CGNL1: variants seen among roughly 807,000 people sequenced by gnomAD.
The protein encoded by CGNL1 is cingulin like 1, also known as cingulin-like protein 1.
CGNL1 carries 132 observed loss-of-function variants against 141.2 expected under a neutral mutation model. The ratio of observed to expected loss-of-function variants is 0.93; its 90% CI spans 0.81 to 1.08. CGNL1 has a LOEUF of 1.08. Ranked by LOEUF, CGNL1 falls within the 50% of genes least tolerant of loss-of-function variation. The pLI is 0.00. For synonymous variants in CGNL1, 690 were observed against 622.1 expected (o/e 1.11, Z -1.63); for missense variants, 1,870 against 1,588.6 (o/e 1.18, Z -3.01).
chr15:57,528,114 C>T (rs2031728254), intron 12 of CGNL1, among the ~76,000 whole-genome samples: 1 of 152,014 alleles, frequency 6.6e-6, no homozygotes, highest in Non-Finnish European at 1.5e-5. Flanking sequence ...AAAATTAGCT[C>T]AGTGTGGTGG....
chr15:57,475,823 C>T (rs1297279621), intron 8 of CGNL1, among the ~76,000 whole-genome samples: 2 of 151,952 alleles, frequency 1.3e-5, no homozygotes, highest in Non-Finnish European at 2.9e-5. Context: ...CCTGTCTGTC[C>T]CCAACATCCT....
At chr15:57,436,596 C>T (rs1196454101) in intron 1 of CGNL1, among the ~76,000 whole-genome samples, 1 of 151,970 alleles carries the variant, frequency 6.6e-6, no homozygotes. Flanking sequence ...AGTTACAAAC[C>T]ACAATTTATG....
At chr15:57,535,423 A>T (rs1476919911) in intron 14 of CGNL1, among the ~76,000 whole-genome samples, 2 of 152,170 alleles carry the variant, frequency 1.3e-5, no homozygotes, top group African/African-American at 4.8e-5. Context: ...CATTGTTGCA[A>T]GAGTGAGTGT....
At chr15:57,389,763 G>A (rs922951525) in intron 1 of CGNL1, among the ~76,000 whole-genome samples, 1 of 152,142 alleles carries the variant, frequency 6.6e-6, no homozygotes, top group Non-Finnish European at 1.5e-5. Flanking sequence ...GGTTGTATTG[G>A]ATATTGCTGC....
At chr15:57,447,091 A>G (rs1007158306) in intron 4 of CGNL1, among the ~76,000 whole-genome samples, 9 of 152,160 alleles carry the variant, frequency 5.9e-5, no homozygotes, top group African/African-American at 2.2e-4. Flanking sequence ...CCAAATGCAT[A>G]GATAAATTTG....
chr15:57,444,804 T>C (rs982944580), intron 4 of CGNL1, among the ~76,000 whole-genome samples: 2 of 152,128 alleles, frequency 1.3e-5, no homozygotes, highest in South Asian at 4.1e-4. Flanking sequence ...AGCAAGGACA[T>C]TGGAAGTTGG....
At chr15:57,543,617 A>G in intron 14 of CGNL1, 79 bp from the exon 15 acceptor site, 1 of 1,273,630 alleles carries the variant, frequency 7.9e-7, no homozygotes, top group Non-Finnish European at 1.1e-6. Flanking sequence ...GTTGACATTC[A>G]GTTCCTTGCC....
chr15:57,535,043 G>C (rs2032179618), intron 14 of CGNL1, among the ~76,000 whole-genome samples: 1 of 152,168 alleles, frequency 6.6e-6, no homozygotes, highest in African/African-American at 2.4e-5. Flanking sequence ...CCCTCTCATA[G>C]ACTGTTAGAT....
At chr15:57,431,946 G>A (rs190617438) in intron 1 of CGNL1, among the ~76,000 whole-genome samples, 2 of 152,286 alleles carry the variant, frequency 1.3e-5, no homozygotes, top group African/African-American at 4.8e-5. Flanking sequence ...TTACTTTTTG[G>A]TTGGTGGGTC....
intron 4 of CGNL1, 28 bp downstream of exon 4, chr15:57,442,506 G>C (rs372302765): frequency 7.3e-7 from 1 of 1,372,468 alleles, no homozygotes; most frequent in East Asian, 2.3e-5. Flanking sequence ...ATTTTGTAGA[G>C]TGCATTTAGC....
chr15:57,512,378 G>A (rs536498065), intron 8 of CGNL1, among the ~76,000 whole-genome samples: 1 of 152,266 alleles, frequency 6.6e-6, no homozygotes, highest in Non-Finnish European at 1.5e-5. Flanking sequence ...AGGTGAGCTG[G>A]CCATGTGGGG....
At chr15:57,437,565 C>T (rs1389423959) in intron 1 of CGNL1, among the ~76,000 whole-genome samples, 1 of 123,132 alleles carries the variant, frequency 8.1e-6, no homozygotes. Context: ...GTAACTGGAA[C>T]ATCCTATTGG....
intron 7 of CGNL1, among the ~76,000 whole-genome samples, chr15:57,461,306 C>A (rs1225027138): frequency 6.6e-6 from 1 of 152,122 alleles, no homozygotes; most frequent in African/African-American, 2.4e-5. Context: ...GGCAAGCTGG[C>A]GTGCCCCCGT....
intron 1 of CGNL1, among the ~76,000 whole-genome samples, chr15:57,392,268 C>A (rs1466878919): frequency 6.6e-6 from 1 of 152,074 alleles, no homozygotes; most frequent in Non-Finnish European, 1.5e-5. Flanking sequence ...AAGGCCCTAA[C>A]AGGGGCATTA....
chr15:57,537,481 G>A (rs1466026662), intron 14 of CGNL1, among the ~76,000 whole-genome samples: 1 of 151,714 alleles, frequency 6.6e-6, no homozygotes, highest in Non-Finnish European at 1.5e-5. Context: ...TCTCAGAACT[G>A]CCTTTTATTG....
intron 1 of CGNL1, among the ~76,000 whole-genome samples, chr15:57,397,800 G>A (rs1274272653): frequency 3.7e-5 from 4 of 109,138 alleles, no homozygotes; most frequent in South Asian, 3.0e-4. Context: ...TTTTTTTTTT[G>A]GAGATGGAGT....
At chr15:57,378,855 C>T (rs1423418339) in intron 1 of CGNL1, among the ~76,000 whole-genome samples, 2 of 152,324 alleles carry the variant, frequency 1.3e-5, no homozygotes, top group South Asian at 2.1e-4. Flanking sequence ...CCAACTTCCA[C>T]GACCATGCTC....
intron 5 of CGNL1, 128 bp from the exon 6 acceptor site, chr15:57,452,013 A>G (rs562955546): frequency 1.2e-5 from 9 of 732,458 alleles, no homozygotes; most frequent in African/African-American, 5.4e-5. Context: ...CCTTAATTAT[A>G]TAGTTTGATT....
chr15:57,409,830 A>T (rs933660443), intron 1 of CGNL1, among the ~76,000 whole-genome samples: 2 of 152,220 alleles, frequency 1.3e-5, no homozygotes, highest in Non-Finnish European at 1.5e-5. Context: ...TACCAGAAAA[A>T]AATAGAGAAA....
Sources: allele counts gnomAD v4.1 joint callset (sites outside exome capture counted in the v4.1 genomes callset), GRCh38; gene constraint gnomAD v4.1.1; transcripts MANE v1.5; gene names NCBI Gene and HGNC (gene_info 2026-07-23, HGNC 2026-07-21).